Variants in PUM1 observed in about 807,000 individuals in gnomAD.
PUM1 encodes the protein pumilio homolog 1.
Under a neutral mutation model 131.8 loss-of-function variants are expected in PUM1, and 13 were observed. The observed-to-expected ratio is 0.10, with a 90% CI of 0.06 to 0.16. The LOEUF is 0.16. PUM1 is among the 10% of genes least tolerant of loss of function. PUM1 has a pLI of 1.00. For synonymous variants in PUM1, 509 were observed against 556.5 expected (o/e 0.91, Z 1.20); for missense variants, 961 against 1,512.4 (o/e 0.64, Z 6.05).
chr1:31,057,387 C>T (rs1423546585), intron 2 of PUM1, among the ~76,000 whole-genome samples: 11 of 120,654 alleles, frequency 9.1e-5, no homozygotes, highest in Admixed American at 3.4e-4. Context: ...GCCTGGATGA[C>T]AGAGCCAGAC....
chr1:31,026,046 G>T (rs1417372787), intron 3 of PUM1, among the ~76,000 whole-genome samples: 1 of 152,010 alleles, frequency 6.6e-6, no homozygotes, highest in Admixed American at 6.5e-5. Flanking sequence ...GAGCTCAGAA[G>T]TTCAAGACCA....
At chr1:30,982,926 TTTTTG>T (rs374619180) in intron 7 of PUM1, among the ~76,000 whole-genome samples, 14 of 152,374 alleles carry the variant, frequency 9.2e-5, no homozygotes, top group African/African-American at 1.7e-4. Flanking sequence ...ACTTTAGTTT[TTTTTG>T]TTTTGTTTTG....
chr1:31,020,311 TAA>T (rs1355185800), intron 3 of PUM1, among the ~76,000 whole-genome samples: 1 of 152,230 alleles, frequency 6.6e-6, no homozygotes, highest in Non-Finnish European at 1.5e-5. Context: ...GCTGGGCACC[TAA>T]GTTGATTCCA....
chr1:31,012,627 T>A (rs1175975408), intron 3 of PUM1, among the ~76,000 whole-genome samples: 9 of 151,212 alleles, frequency 6.0e-5, no homozygotes. Flanking sequence ...AGTCAAGCAC[T>A]GGTTTACAAG....
intron 19 of PUM1, among the ~76,000 whole-genome samples, chr1:30,941,556 G>A (rs1421796193): frequency 6.6e-6 from 1 of 151,990 alleles, no homozygotes; most frequent in Non-Finnish European, 1.5e-5. Context: ...ATATACAAAT[G>A]GTTCACTGCA....
chr1:31,005,816 A>G, intron 5 of PUM1, 37 bp downstream of exon 5: 1 of 1,529,878 alleles, frequency 6.5e-7, no homozygotes, highest in Non-Finnish European at 8.8e-7. Context: ...AGAGAGAGAG[A>G]GAGAGAGATA....
chr1:30,943,950 T>C (rs1468048197), intron 18 of PUM1, among the ~76,000 whole-genome samples: 1 of 152,250 alleles, frequency 6.6e-6, no homozygotes, highest in Admixed American at 6.5e-5. Context: ...TTTTACATCA[T>C]GTTGTATTGT....
chr1:30,972,180 G>C (rs927258392), intron 10 of PUM1, among the ~76,000 whole-genome samples: 1 of 145,814 alleles, frequency 6.9e-6, no homozygotes. Context: ...GCTTGAACCT[G>C]GGAGGCGAAG....
intron 2 of PUM1, among the ~76,000 whole-genome samples, chr1:31,043,370 AT>A (rs533155364): frequency 2.2e-3 from 310 of 143,392 alleles, no homozygotes; most frequent in East Asian, 4.3e-3. Context: ...TGTCCGGCTA[AT>A]TTTTTTTTTT....
At chr1:30,936,564 C>A (rs1639218494) in intron 21 of PUM1, 79 bp downstream of exon 21, 1 of 1,351,012 alleles carries the variant, frequency 7.4e-7, no homozygotes, top group Non-Finnish European at 1.0e-6. Context: ...AACAGCAGGG[C>A]ACCCACCCTC....
intron 9 of PUM1, among the ~76,000 whole-genome samples, chr1:30,979,815 T>C (rs1307930159): frequency 3.3e-5 from 5 of 152,144 alleles, no homozygotes; most frequent in Admixed American, 1.3e-4. Context: ...AATGAGTATC[T>C]GGTGGCTCCA....
At chr1:30,939,822 C>G (rs1639368980) in intron 20 of PUM1, among the ~76,000 whole-genome samples, 1 of 152,080 alleles carries the variant, frequency 6.6e-6, no homozygotes, top group Non-Finnish European at 1.5e-5. Flanking sequence ...TGCACCACTG[C>G]ACTCCAGCCA....
intron 20 of PUM1, among the ~76,000 whole-genome samples, chr1:30,938,117 C>G (rs1639289552): frequency 6.6e-6 from 1 of 152,274 alleles, no homozygotes; most frequent in East Asian, 1.9e-4. Context: ...GTTGCCCAGG[C>G]TAGTCTTGAA....
chr1:31,064,395 C>T (rs931629320), intron 1 of PUM1, among the ~76,000 whole-genome samples: 21 of 152,062 alleles, frequency 1.4e-4, no homozygotes, highest in African/African-American at 5.1e-4. Flanking sequence ...GAATCAACAG[C>T]CCCCCAGTGT....
chr1:31,009,817 AG>A (rs35697213), intron 3 of PUM1, among the ~76,000 whole-genome samples: 1 of 151,960 alleles, frequency 6.6e-6, no homozygotes, highest in Non-Finnish European at 1.5e-5. Context: ...AAACACCTCA[AG>A]GAACAGTTTC....
intron 2 of PUM1, among the ~76,000 whole-genome samples, chr1:31,031,094 G>A (rs932143820): frequency 3.3e-5 from 5 of 152,068 alleles, no homozygotes; most frequent in Non-Finnish European, 7.4e-5. Flanking sequence ...CTCATAAACT[G>A]TATATAATAA....
chr1:31,064,039 C>T (rs1317735890), intron 1 of PUM1, among the ~76,000 whole-genome samples: 2 of 152,124 alleles, frequency 1.3e-5, no homozygotes, highest in African/African-American at 2.4e-5. Flanking sequence ...CTTTAAGCAA[C>T]TAGAAGTGCT....
At chr1:31,009,372 A>G (rs1234168273) in intron 3 of PUM1, among the ~76,000 whole-genome samples, 4 of 152,198 alleles carry the variant, frequency 2.6e-5, no homozygotes, top group Admixed American at 2.6e-4. Flanking sequence ...TATGCTCCAC[A>G]TAACAGTGCA....
At chr1:30,989,702 G>GTCA (rs1641712239) in intron 7 of PUM1, among the ~76,000 whole-genome samples, 1 of 149,462 alleles carries the variant, frequency 6.7e-6, no homozygotes, top group South Asian at 2.1e-4. Flanking sequence ...CTCATCACTT[G>GTCA]TCATCGAGTA....
Sources: gnomAD v4.1 joint callset for allele counts (sites outside exome capture counted in the v4.1 genomes callset) on GRCh38, gnomAD v4.1.1 for gene constraint, MANE v1.5 for transcripts, NCBI Gene and HGNC (gene_info 2026-07-23, HGNC 2026-07-21) for gene names.